Variants in VEZT observed in about 807,000 individuals in gnomAD.
VEZT encodes vezatin.
In VEZT, 39 loss-of-function variants were observed where a neutral mutation model predicts 79.9. The ratio of observed to expected loss-of-function variants is 0.49; its 90% CI spans 0.38 to 0.64. The LOEUF is 0.64. Ranked by LOEUF, VEZT falls within the 30% of genes least tolerant of loss-of-function variation. VEZT has a pLI of 0.00. For missense variants in VEZT, 837 were observed against 893.1 expected, an observed-to-expected ratio of 0.94 and a Z score of 0.80; for synonymous variants, 325 against 327.6, an observed-to-expected ratio of 0.99 and a Z score of 0.09.
At chr12:95,274,920 G>GA (rs781546886) in intron 7 of VEZT, 31 bp downstream of exon 7, 4 of 1,599,344 alleles carry the variant, frequency 2.5e-6, no homozygotes, top group Middle Eastern at 1.7e-4. Flanking sequence ...AAGGGCTGAA[G>GA]AAAAAATAGA....
chr12:95,263,429 T>G (rs1205676437), intron 4 of VEZT, among the ~76,000 whole-genome samples: 1 of 152,164 alleles, frequency 6.6e-6, no homozygotes, highest in Non-Finnish European at 1.5e-5. Flanking sequence ...GTGGTAGGAT[T>G]GCTTAAGGCC....
chr12:95,246,165 C>T (rs942630127), intron 1 of VEZT, among the ~76,000 whole-genome samples: 1 of 151,950 alleles, frequency 6.6e-6, no homozygotes, highest in Non-Finnish European at 1.5e-5. Flanking sequence ...CTCTGTTGCC[C>T]AGGCTGGAGT....
rs909767374 is a variant in VEZT, at chr12:95,262,886, T to C, written c.259-20T>C. Reference sequence around the variant, plus strand: ...ATTATATATGTGTTAATACCTCTCTTCTGGTATTTTAATGGCAAGGATATT... The same window carrying C: ...ATTATATATGTGTTAATACCTCTCTCCTGGTATTTTAATGGCAAGGATATT... On this transcript the variant is annotated intron_variant, in intron 3 of 11. Coordinates refer to ENST00000436874, the MANE Select transcript of VEZT (RefSeq NM_017599.4). The C allele has an allele frequency of 6.4e-7, 1 of 1,557,250 alleles. No homozygotes were observed. Among genetic ancestry groups the C allele is most frequent in the Admixed American group, 1.8e-5 (1 of 56,394 alleles).
intron 9 of VEZT, among the ~76,000 whole-genome samples, chr12:95,289,081 C>CA (rs71078697): frequency 1.6e-4 from 20 of 123,092 alleles, no homozygotes; most frequent in South Asian, 7.9e-4. Flanking sequence ...GACTCCGTCT[C>CA]AAAAAAAAAA....
chr12:95,285,925 T>A (rs2070656453), intron 8 of VEZT, among the ~76,000 whole-genome samples: 1 of 151,522 alleles, frequency 6.6e-6, no homozygotes, highest in African/African-American at 2.4e-5. Flanking sequence ...TTCATTAGAG[T>A]GTAGTTATTT....
chr12:95,300,521 C>T lies in VEZT; in HGVS notation c.2188C>T (p.Gln730Ter). Residue 730 changes from glutamine to a stop codon, truncating the protein, a stop_gained, in exon 12 of 12, where the codon CAG becomes TAG. Transcript: ENST00000436874. LOFTEE classifies it high-confidence loss of function. ...PSIKQRLARL[Q>*]LSPDFTFTAG... ...CATTAAGCAGAGGCTGGCACGGCTACAGCTGTCACCAGATTTTACCTTCAC... is the reference window on the plus strand; with the variant it reads ...CATTAAGCAGAGGCTGGCACGGCTATAGCTGTCACCAGATTTTACCTTCAC... 6 of 1,613,952 alleles carry T rather than the reference C, an allele frequency of 3.7e-6. No individual in the cohort carries two copies. The highest frequency in any genetic ancestry group is 5.1e-6 in the Non-Finnish European group (6 of 1,179,896).
intron 9 of VEZT, among the ~76,000 whole-genome samples, chr12:95,291,189 C>T (rs2072689061): frequency 6.6e-6 from 1 of 152,176 alleles, no homozygotes; most frequent in Admixed American, 6.5e-5. Flanking sequence ...CATGATTGCA[C>T]AACTGCACTC....
At chr12:95,244,975 G>A (rs752687939) in intron 1 of VEZT, among the ~76,000 whole-genome samples, 2 of 152,144 alleles carry the variant, frequency 1.3e-5, no homozygotes, top group African/African-American at 2.4e-5. Flanking sequence ...GCTCATGCCT[G>A]TAATCCCAGC....
At chr12:95,226,847 G>A (rs145917286) in intron 1 of VEZT, among the ~76,000 whole-genome samples, 2 of 152,274 alleles carry the variant, frequency 1.3e-5, no homozygotes, top group African/African-American at 4.8e-5. Context: ...TACTTTCAAT[G>A]TTAATTCCAT....
intron 1 of VEZT, among the ~76,000 whole-genome samples, chr12:95,240,020 G>GA (rs1318488753): frequency 4.5e-5 from 5 of 111,852 alleles, no homozygotes; most frequent in African/African-American, 1.7e-4. Context: ...AAGAGAGAAA[G>GA]AAAGGAAGGA....
chr12:95,287,514 G>C (rs1181567131), intron 8 of VEZT, 150 bp from the exon 9 acceptor site: 4 of 596,592 alleles, frequency 6.7e-6, no homozygotes, highest in Non-Finnish European at 1.1e-5. Context: ...TGTTGCCCAA[G>C]CTGGTTTTGA....
chr12:95,219,488 A>T (rs2136381736), intron 1 of VEZT, among the ~76,000 whole-genome samples: 1 of 152,344 alleles, frequency 6.6e-6, no homozygotes, highest in East Asian at 1.9e-4. Flanking sequence ...AGAATTTTGT[A>T]TATATTTTTC....
chr12:95,253,459 A>G (rs7954978), intron 2 of VEZT, among the ~76,000 whole-genome samples: 61,817 of 152,012 alleles, frequency 0.41, 13,072 homozygotes, highest in African/African-American at 0.52. Context: ...CTAGTCCTCC[A>G]TTTATACCAT....
chr12:95,289,130 A>AAATAAATAAATAAATG (rs1321131943), intron 9 of VEZT, among the ~76,000 whole-genome samples: 2 of 147,544 alleles, frequency 1.4e-5, no homozygotes, highest in African/African-American at 4.9e-5. Flanking sequence ...ATAAATAAAT[A>AAATAAATAAATAAATG]AAAAAGGCCA....
intron 3 of VEZT, among the ~76,000 whole-genome samples, chr12:95,261,007 A>T (rs2064367566): frequency 8.4e-6 from 1 of 119,632 alleles, no homozygotes; most frequent in Non-Finnish European, 2.1e-5. Flanking sequence ...GTAGATGGTA[A>T]AAAAAAAAAA....
chr12:95,221,212 T>C (rs1469134682), intron 1 of VEZT, among the ~76,000 whole-genome samples: 1 of 152,224 alleles, frequency 6.6e-6, no homozygotes, highest in Admixed American at 6.5e-5. Flanking sequence ...ATTATTTACA[T>C]ACACTGGATA....
At chr12:95,237,865 C>G (rs2060406408) in intron 1 of VEZT, among the ~76,000 whole-genome samples, 2 of 152,160 alleles carry the variant, frequency 1.3e-5, no homozygotes, top group Non-Finnish European at 1.5e-5. Context: ...GCCTGTAGAT[C>G]ATAATAACAC....
chr12:95,266,639 T>A lies in VEZT; in HGVS notation c.710+7T>A, dbSNP rs572978791. On this transcript the variant is annotated splice_region_variant and intron_variant, in intron 5 of 11. Transcript: ENST00000436874. ...TTTCCAGAGGATTTACACTGTGAGT[T>A]CATTTTTTATTTTATTTCTTAAATG... 50 of 1,573,968 alleles carry A rather than the reference T, an allele frequency of 3.2e-5. No homozygotes were observed. In the East Asian group the frequency reaches 1.1e-3, roughly 34 times the overall value.
chr12:95,289,991 A>G (rs1052224042), intron 9 of VEZT, among the ~76,000 whole-genome samples: 2 of 152,144 alleles, frequency 1.3e-5, no homozygotes, highest in Non-Finnish European at 2.9e-5. Flanking sequence ...TTCTGTATGC[A>G]TTTTTGTAAA....
Sources: allele counts gnomAD v4.1 joint callset (sites outside exome capture counted in the v4.1 genomes callset), GRCh38; gene constraint gnomAD v4.1.1; transcripts MANE v1.5; gene names NCBI Gene and HGNC (gene_info 2026-07-23, HGNC 2026-07-21).